EPN2: variants seen among roughly 807,000 people sequenced by gnomAD.
The protein encoded by EPN2 is epsin-2.
In EPN2, 34 loss-of-function variants were observed where a neutral mutation model predicts 61.7. The ratio of observed to expected loss-of-function variants is 0.55; its 90% confidence interval spans 0.42 to 0.73. The LOEUF (loss-of-function observed/expected upper bound fraction) is 0.73. Among genes scored for constraint, EPN2 ranks in the 30% least tolerant of loss-of-function variants. EPN2 has a pLI of 0.00. For synonymous variants in EPN2, 349 were observed against 353.6 expected, an observed-to-expected ratio of 0.99 and a Z score of 0.15; for missense variants, 714 against 839.2, an observed-to-expected ratio of 0.85 and a Z score of 1.84.
intron 1 of EPN2, among the ~76,000 whole-genome samples, chr17:19,262,261 C>T (rs1312936212): frequency 2.0e-5 from 3 of 151,930 alleles, no homozygotes; most frequent in African/African-American, 4.8e-5. Flanking sequence ...GGCGGACCAC[C>T]TGAGGTCGGG....
In EPN2 at chr17:19,285,583, GTC is replaced by G. The variant is rs756592790; in HGVS notation, c.596-31_596-30del. 3.4e-6 allele frequency: 5 copies of G among 1,463,012 alleles called. No homozygotes were observed. Among genetic ancestry groups the G allele is most frequent in the South Asian group, 2.8e-5 (2 of 71,760 alleles). 90.6% of individuals were successfully genotyped at this position (1,463,012 alleles called of 1,614,324 possible). A position where few individuals can be genotyped will look rare whatever the true frequency, so the allele number is the denominator to read the frequency against. On this transcript the variant is annotated intron_variant, in intron 3 of 10. Transcript: ENST00000314728. The surrounding 1 kb of genome is among the most constrained non-coding windows in gnomAD (Gnocchi z 4.5). ...GCTGCTGCGCACCCTCTAATGGCGT[GTC>G]TCTCTGTGTGTGTGTGTGTGTCCCT...
chr17:19,244,024 G>C (rs2044916994), intron 1 of EPN2, among the ~76,000 whole-genome samples: 1 of 152,208 alleles, frequency 6.6e-6, no homozygotes, highest in South Asian at 2.1e-4. Flanking sequence ...GAAGATGATG[G>C]ATGGCGTGAC....
At chr17:19,237,839 C>A (rs1567838080) in intron 1 of EPN2, among the ~76,000 whole-genome samples, 1 of 152,124 alleles carries the variant, frequency 6.6e-6, no homozygotes, top group South Asian at 2.1e-4. Flanking sequence ...CCCCAGAGTC[C>A]AGGGCGCCCC....
intron 1 of EPN2, among the ~76,000 whole-genome samples, chr17:19,264,980 C>T (rs1487528511): frequency 6.6e-6 from 1 of 151,986 alleles, no homozygotes; most frequent in Non-Finnish European, 1.5e-5. Flanking sequence ...GGATCCTGGG[C>T]AGAGCATCCC....
intron 4 of EPN2, among the ~76,000 whole-genome samples, chr17:19,301,494 C>T (rs1315061001): frequency 2.0e-5 from 3 of 152,148 alleles, no homozygotes; most frequent in Non-Finnish European, 4.4e-5. Flanking sequence ...TTAAATGTGT[C>T]CAGACTCTGG....
At chr17:19,244,213 C>G (rs1476150173) in intron 1 of EPN2, among the ~76,000 whole-genome samples, 1 of 152,144 alleles carries the variant, frequency 6.6e-6, no homozygotes, top group African/African-American at 2.4e-5. Flanking sequence ...GTAATCCCAG[C>G]ACTGGGAGGC....
intron 6 of EPN2, 107 bp from the exon 7 acceptor site, chr17:19,312,998 C>T: frequency 2.5e-6 from 3 of 1,211,380 alleles, no homozygotes; most frequent in South Asian, 2.8e-5. Flanking sequence ...TCCTAGAGGG[C>T]TTCACTGGAG....
chr17:19,296,416 G>T (rs2045520673), intron 4 of EPN2, among the ~76,000 whole-genome samples: 1 of 152,052 alleles, frequency 6.6e-6, no homozygotes, highest in African/African-American at 2.4e-5. Context: ...CTCCCAAAGT[G>T]CTGGGATTAC....
intron 1 of EPN2, among the ~76,000 whole-genome samples, chr17:19,261,280 T>A (rs8070317): frequency 0.032 from 4,914 of 152,344 alleles, 268 homozygotes; most frequent in African/African-American, 0.11. Flanking sequence ...TGCTTGGAGT[T>A]CTGCCAGCCT....
At chr17:19,282,917 C>T (rs909647753) in intron 2 of EPN2, 33 bp from the exon 3 acceptor site, 8 of 541,126 alleles carry the variant, frequency 1.5e-5, no homozygotes, top group African/African-American at 5.7e-5. Context: ...AGGGGGCTTA[C>T]GTCGCAGTGG....
At chr17:19,256,779 CAG>C (rs1243229391) in intron 1 of EPN2, among the ~76,000 whole-genome samples, 2 of 152,148 alleles carry the variant, frequency 1.3e-5, no homozygotes, top group Non-Finnish European at 2.9e-5. Flanking sequence ...AGCTTTGTAA[CAG>C]GGTCTTCTGG....
At chr17:19,270,456 T>C (rs929941670) in intron 1 of EPN2, among the ~76,000 whole-genome samples, 4 of 152,178 alleles carry the variant, frequency 2.6e-5, no homozygotes, top group African/African-American at 7.2e-5. Flanking sequence ...TGTGTTCTCA[T>C]AGGGATGCCT....
In EPN2 at chr17:19,283,668, G is replaced by A; in HGVS notation, c.549G>A (p.Glu183=). ...SQPNLSTSHS[E]QEYGKAGGSP... ...CCAACCTCTCCACCAGCCACTCGGA[G>A]CAGGAGTATGGCAAGGCCGGGGGCT... The change falls in exon 3 of 11, where the codon GAG becomes GAA. Residue 183 remains glutamate (E), a synonymous_variant. Transcript: ENST00000314728. This position sits in a 1 kb window ranked among gnomAD's most constrained non-coding sequence, Gnocchi z 7.0. The A allele has an allele frequency of 1.2e-6, 2 of 1,612,656 alleles. No homozygotes were observed. Among genetic ancestry groups the A allele is most frequent in the East Asian group, 4.5e-5 (2 of 44,856 alleles).
At chr17:19,328,999 C>A in intron 8 of EPN2, 112 bp downstream of exon 8, 1 of 952,402 alleles carries the variant, frequency 1.0e-6, no homozygotes, top group South Asian at 1.7e-5. Context: ...ATTTGCTCCC[C>A]TCCTCCCCCT....
At position 19,334,501 on chromosome 17, in the gene EPN2, G is replaced by C. The variant is rs1351380000; in HGVS notation, c.*247G>C. The C allele has an allele frequency of 2.7e-6, 1 of 368,814 alleles. No individual in the cohort carries two copies. Among genetic ancestry groups the C allele is most frequent in the African/African-American group, 2.1e-5 (1 of 48,058 alleles). The allele number at this position is 368,814 out of a possible 1,614,324, so 22.8% of individuals were successfully genotyped here. On this transcript the variant is annotated 3_prime_UTR_variant, in exon 11 of 11. Transcript: ENST00000314728. The surrounding 1 kb of genome is among the most constrained non-coding windows in gnomAD (Gnocchi z 4.9). ...ACTGAGGTCCTGGCAGGGCTCCTCT[G>C]AGGCCTTGGACGAGGACGTGGAGTC...
intron 7 of EPN2, chr17:19,313,559 C>T (rs1906247369): frequency 2.6e-6 from 1 of 378,272 alleles, no homozygotes; most frequent in Non-Finnish European, 4.8e-6. Flanking sequence ...TGTGCCTTCT[C>T]TGGGACATGT....
chr17:19,277,037 T>G (rs1352553822), intron 1 of EPN2, among the ~76,000 whole-genome samples: 2 of 151,992 alleles, frequency 1.3e-5, no homozygotes, highest in African/African-American at 4.8e-5. Flanking sequence ...ATTGGAAAAT[T>G]GAGAAGGAAA....
At chr17:19,242,616 T>G (rs1403603874) in intron 1 of EPN2, among the ~76,000 whole-genome samples, 1 of 151,798 alleles carries the variant, frequency 6.6e-6, no homozygotes, top group Non-Finnish European at 1.5e-5. Flanking sequence ...CTAGGCAGAG[T>G]GTGCTTCACT....
At chr17:19,250,417 C>T (rs2045002748) in intron 1 of EPN2, among the ~76,000 whole-genome samples, 1 of 152,026 alleles carries the variant, frequency 6.6e-6, no homozygotes, top group South Asian at 2.1e-4. Context: ...ATTCTAACTG[C>T]TACCTTAATT....
Sources: allele counts gnomAD v4.1 joint callset (sites outside exome capture counted in the v4.1 genomes callset), GRCh38; gene constraint gnomAD v4.1.1; non-coding constraint Gnocchi (gnomAD v3.1); transcripts MANE v1.5; gene names NCBI Gene and HGNC (gene_info 2026-07-23, HGNC 2026-07-21).